NBEA: variants seen among roughly 807,000 people sequenced by gnomAD.
NBEA encodes lysosomal-trafficking regulator 2.
A neutral mutation model predicts 343.4 loss-of-function variants in NBEA; 44 were observed. The observed-to-expected ratio is 0.13, with a 90% CI of 0.10 to 0.16. The LOEUF is 0.16. Among genes scored for constraint, NBEA ranks in the 10% least tolerant of loss-of-function variants. The pLI, the probability that NBEA is intolerant of heterozygous loss-of-function variation, is 1.00. For synonymous variants in NBEA, 1,175 were observed against 1,238.7 expected, an observed-to-expected ratio of 0.95 and a Z score of 1.08; for missense variants, 2,555 against 3,631.3, an observed-to-expected ratio of 0.70 and a Z score of 7.62.
chr13:35,215,327 T>C (rs1248286557), intron 33 of NBEA, among the ~76,000 whole-genome samples: 1 of 151,684 alleles, frequency 6.6e-6, no homozygotes, highest in Non-Finnish European at 1.5e-5. Context: ...TAGTTTTCAT[T>C]GTAAAACTCT....
rs182046435 is a variant in NBEA at position 34,969,317 on chromosome 13, A to T, written c.294+26203A>T. Among the ~76,000 whole-genome samples, 836 of 145,694 alleles carry T rather than the reference A, an allele frequency of 5.7e-3. 6 individuals are homozygous for T. The highest frequency in any genetic ancestry group is 0.018 in the African/African-American group (719 of 40,164). On this transcript the variant is annotated intron_variant, in intron 1 of 58. Coordinates refer to ENST00000379939, the MANE Select transcript of NBEA (RefSeq NM_001385012.1). ...GAACATTTAAAATTTTTTGGTTTTT[A>T]AAAAAAAAAAACTAAAATTTTTTGG... is the stretch of plus-strand genomic sequence containing the variant.
intron 28 of NBEA, chr13:35,179,785 G>A (rs2071181952): frequency 1.0e-6 from 1 of 984,588 alleles, no homozygotes; most frequent in Non-Finnish European, 1.2e-6. Context: ...AGCAATGTGT[G>A]AATCTGTTCT....
chr13:35,599,635 GCCTTGCAGTGTCA>G (rs2081963882), intron 47 of NBEA, among the ~76,000 whole-genome samples: 1 of 152,232 alleles, frequency 6.6e-6, no homozygotes, highest in Non-Finnish European at 1.5e-5. Flanking sequence ...GCCCTAAGAA[GCCTTGCAGTGTCA>G]CCTTGTCACG....
rs1021240291 is a variant in NBEA at position 35,262,964 on chromosome 13, A to C, written c.5777-27425A>C. ...CAATAATGTGTTCTGCAGAAATAGA[A>C]AAATCAATCCTAAAATTCATTTGCA... On this transcript the variant is annotated intron_variant, in intron 34 of 58. Coordinates refer to ENST00000379939, the MANE Select transcript of NBEA (RefSeq NM_001385012.1). 2.6e-5 allele frequency among the ~76,000 whole-genome samples: 4 copies of C among 152,316 alleles called. No individual in the cohort carries two copies. The East Asian group carries it at 7.7e-4, about 29-fold the overall frequency.
chr13:35,022,985 A>C (rs767256365), intron 1 of NBEA, among the ~76,000 whole-genome samples: 1 of 152,160 alleles, frequency 6.6e-6, no homozygotes, highest in Non-Finnish European at 1.5e-5. Flanking sequence ...AGAGCTTTAT[A>C]ATATAGATTG....
intron 53 of NBEA, among the ~76,000 whole-genome samples, chr13:35,652,640 C>CA (rs546162156): frequency 3.9e-3 from 317 of 81,240 alleles, no homozygotes; most frequent in African/African-American, 0.013. Context: ...GACTCCATCT[C>CA]AAAAAAAAAA....
In NBEA at chr13:34,946,625, G is replaced by C. The variant is rs374263292; in HGVS notation, c.294+3511G>C. On this transcript the variant is annotated intron_variant, in intron 1 of 58. Coordinates refer to ENST00000379939, the MANE Select transcript of NBEA (RefSeq NM_001385012.1). ...AATTTTTTCATGAAATTTTTTCATG[G>C]ATTTGTAGTTTTTTTTCATGAGTTA... Among the ~76,000 whole-genome samples, 40 of 150,852 alleles carry C rather than the reference G, an allele frequency of 2.7e-4. No individual in the cohort carries two copies. In the East Asian group the frequency reaches 7.6e-3, roughly 29 times the overall value.
At position 35,082,488 on chromosome 13, in the gene NBEA, G is replaced by A. The variant is rs377366812; in HGVS notation, c.1571+11636G>A. On this transcript the variant is annotated intron_variant, in intron 10 of 58. Coordinates refer to ENST00000379939, the MANE Select transcript of NBEA (RefSeq NM_001385012.1). ...TCTAGTTCTAGATCCCTGAGGAATC[G>A]CCACACTGACTTCCACAATGGTTGA... 7.9e-5 allele frequency among the ~76,000 whole-genome samples: 12 copies of A among 152,224 alleles called. No individual in the cohort carries two copies. The East Asian group carries it at 1.2e-3, about 15-fold the overall frequency.
At chr13:34,973,664 C>T (rs1477789233) in intron 1 of NBEA, among the ~76,000 whole-genome samples, 1 of 152,094 alleles carries the variant, frequency 6.6e-6, no homozygotes, top group Non-Finnish European at 1.5e-5. Context: ...ATCCAAACAG[C>T]AAAGATGGTG....
At chr13:35,321,230 A>G (rs944591144) in intron 36 of NBEA, among the ~76,000 whole-genome samples, 6 of 152,054 alleles carry the variant, frequency 3.9e-5, no homozygotes, top group African/African-American at 9.7e-5. Flanking sequence ...TCGTGGATTT[A>G]TCTACCTTTG....
intron 41 of NBEA, among the ~76,000 whole-genome samples, chr13:35,494,667 G>A (rs180948555): frequency 6.6e-6 from 1 of 152,082 alleles, no homozygotes; most frequent in Non-Finnish European, 1.5e-5. Context: ...AATATCAGAT[G>A]TAAATCCAAC....
At chr13:35,562,789 A>C (rs2079922633) in intron 44 of NBEA, among the ~76,000 whole-genome samples, 1 of 152,020 alleles carries the variant, frequency 6.6e-6, no homozygotes, top group Non-Finnish European at 1.5e-5. Context: ...CATCGCTCTT[A>C]AAGAGTGTTA....
intron 39 of NBEA, among the ~76,000 whole-genome samples, chr13:35,434,858 T>TC (rs558702049): frequency 8.3e-4 from 126 of 152,296 alleles, no homozygotes; most frequent in African/African-American, 3.0e-3. Context: ...GAAGTACATG[T>TC]CAATAATTAT....
chr13:35,149,100 A>T (rs546934317), intron 18 of NBEA, among the ~76,000 whole-genome samples: 1 of 152,336 alleles, frequency 6.6e-6, no homozygotes, highest in Non-Finnish European at 1.5e-5. Flanking sequence ...ACTTTGTGTC[A>T]ATCATTCCAC....
intron 1 of NBEA, among the ~76,000 whole-genome samples, chr13:35,026,586 A>G (rs967609318): frequency 3.9e-5 from 6 of 152,014 alleles, no homozygotes; most frequent in African/African-American, 1.4e-4. Flanking sequence ...TTTGTTTCTG[A>G]ACTGTTGGTT....
At chr13:35,531,263 T>C (rs9565362) in intron 41 of NBEA, among the ~76,000 whole-genome samples, 36,037 of 152,068 alleles carry the variant, frequency 0.24, 4,775 homozygotes, top group East Asian at 0.49. Flanking sequence ...AAAGTAGCTA[T>C]TGACATCTGT....
At chr13:34,993,192 G>A (rs74051206) in intron 1 of NBEA, among the ~76,000 whole-genome samples, 4,144 of 151,934 alleles carry the variant, frequency 0.027, 81 homozygotes, top group South Asian at 0.074. Flanking sequence ...TTCATTTCTC[G>A]TTCATCTTCC....
chr13:34,944,265 G>A (rs2059122604), intron 1 of NBEA, among the ~76,000 whole-genome samples: 1 of 152,182 alleles, frequency 6.6e-6, no homozygotes, highest in African/African-American at 2.4e-5. Context: ...TAACACCCAT[G>A]CAGTCATTTT....
At chr13:35,381,221 A>G (rs538455720) in intron 38 of NBEA, among the ~76,000 whole-genome samples, 1 of 152,246 alleles carries the variant, frequency 6.6e-6, no homozygotes, top group Non-Finnish European at 1.5e-5. Context: ...GCTAACTGGT[A>G]GTTCAATTAA....
Sources: allele counts gnomAD v4.1 joint callset (sites outside exome capture counted in the v4.1 genomes callset), GRCh38; gene constraint gnomAD v4.1.1; transcripts MANE v1.5; gene names NCBI Gene and HGNC (gene_info 2026-07-23, HGNC 2026-07-21).